Variants in RFX3 observed in about 807,000 individuals in gnomAD.
The protein encoded by RFX3 is transcription factor RFX3.
In RFX3, 14 loss-of-function variants were observed where a neutral mutation model predicts 98.6. The ratio of observed to expected loss-of-function variants is 0.14; its 90% CI spans 0.09 to 0.22. RFX3 has a LOEUF of 0.22. Among genes scored for constraint, RFX3 ranks in the 10% least tolerant of loss-of-function variants. The pLI, the probability that RFX3 is intolerant of heterozygous loss-of-function variation, is 1.00. For missense variants in RFX3, 639 were observed against 926.9 expected (o/e 0.69, Z 4.03); for synonymous variants, 383 against 328.4 (o/e 1.17, Z -1.80).
intron 3 of RFX3, among the ~76,000 whole-genome samples, chr9:3,339,556 T>A (rs1371213984): frequency 1.3e-5 from 2 of 152,188 alleles, no homozygotes; most frequent in East Asian, 1.9e-4. Flanking sequence ...AGTCAGCTCC[T>A]GTCTCACTGA....
At chr9:3,309,867 T>C (rs1056025722) in intron 4 of RFX3, among the ~76,000 whole-genome samples, 4 of 152,168 alleles carry the variant, frequency 2.6e-5, no homozygotes, top group African/African-American at 9.7e-5. Flanking sequence ...CAGGTTTAAG[T>C]GTTCACTGGA....
chr9:3,505,222 T>C (rs548429765), intron 1 of RFX3, among the ~76,000 whole-genome samples: 17 of 55,576 alleles, frequency 3.1e-4, no homozygotes, highest in African/African-American at 1.8e-3. Context: ...GAATATATAT[T>C]TATATATGAA....
intron 5 of RFX3, among the ~76,000 whole-genome samples, chr9:3,300,508 G>A (rs1482642341): frequency 6.6e-6 from 1 of 151,532 alleles, no homozygotes; most frequent in African/African-American, 2.4e-5. Flanking sequence ...AAAAAACACA[G>A]TTAAAACATT....
At chr9:3,377,710 G>C (rs1471616909) in intron 2 of RFX3, among the ~76,000 whole-genome samples, 1 of 152,160 alleles carries the variant, frequency 6.6e-6, no homozygotes, top group African/African-American at 2.4e-5. Flanking sequence ...ATTTGGATGG[G>C]AGAGGAAAGG....
chr9:3,462,291 A>T (rs1847768604), intron 1 of RFX3, among the ~76,000 whole-genome samples: 1 of 152,090 alleles, frequency 6.6e-6, no homozygotes, highest in Admixed American at 6.5e-5. Flanking sequence ...ATCAATCAGG[A>T]TATTTCACCA....
At position 3,450,443 on chromosome 9, in the gene RFX3, GTTCAATACACAA is replaced by G. The variant is rs1452349863; in HGVS notation, c.-8-54859_-8-54848del. Among the ~76,000 whole-genome samples, 59 of 151,744 alleles carry G rather than the reference GTTCAATACACAA, an allele frequency of 3.9e-4. 1 individual carries two copies. The highest frequency in any genetic ancestry group is 1.4e-3 in the African/African-American group (58 of 41,368). ...AACAAAACATTCTCCCCAATCCTCT[GTTCAATACACAA>G]ATTTGAAATGTTTAGTGATACAAAA... On this transcript the variant is annotated intron_variant, in intron 1 of 16. Transcript: ENST00000617270.
chr9:3,345,880 G>A (rs985987092), intron 3 of RFX3, among the ~76,000 whole-genome samples: 1 of 152,172 alleles, frequency 6.6e-6, no homozygotes, highest in East Asian at 1.9e-4. Context: ...AAGAGTAGAT[G>A]TAGTAAGAAT....
chr9:3,279,532 C>A (rs891166177), intron 7 of RFX3, among the ~76,000 whole-genome samples: 14 of 151,776 alleles, frequency 9.2e-5, no homozygotes, highest in Non-Finnish European at 1.8e-4. Flanking sequence ...TGCCACATTT[C>A]TTTGTCCTAC....
At chr9:3,258,280 T>C (rs1292943045) in intron 13 of RFX3, among the ~76,000 whole-genome samples, 1 of 152,174 alleles carries the variant, frequency 6.6e-6, no homozygotes, top group African/African-American at 2.4e-5. Context: ...TAATAAAACC[T>C]TGTGAATACA....
intron 2 of RFX3, 71 bp from the exon 3 acceptor site, chr9:3,346,835 C>T: frequency 4.4e-6 from 4 of 910,208 alleles, no homozygotes; most frequent in Non-Finnish European, 7.3e-6. Flanking sequence ...TTAGATCTAT[C>T]TCAAAGGTTT....
At chr9:3,406,192 G>C (rs1420566020) in intron 1 of RFX3, among the ~76,000 whole-genome samples, 1 of 151,622 alleles carries the variant, frequency 6.6e-6, no homozygotes, top group Middle Eastern at 3.2e-3. Context: ...CAAAGTCCTG[G>C]ACTCAAGTGA....
intron 2 of RFX3, among the ~76,000 whole-genome samples, chr9:3,373,080 T>G (rs879776113): frequency 6.6e-6 from 1 of 152,192 alleles, no homozygotes; most frequent in African/African-American, 2.4e-5. Context: ...TATGTTTGTA[T>G]CTCTAAGCTT....
intron 1 of RFX3, among the ~76,000 whole-genome samples, chr9:3,435,132 G>C (rs1275210772): frequency 6.6e-6 from 1 of 151,820 alleles, no homozygotes; most frequent in African/African-American, 2.4e-5. Context: ...AGTGAGTGAA[G>C]GCCTAAGACA....
intron 1 of RFX3, among the ~76,000 whole-genome samples, chr9:3,503,670 T>A (rs1215895817): frequency 6.7e-6 from 1 of 149,644 alleles, no homozygotes; most frequent in Non-Finnish European, 1.5e-5. Flanking sequence ...GTAACTTTTA[T>A]TTAAATAATC....
chr9:3,357,774 T>C (rs769525404), intron 2 of RFX3, among the ~76,000 whole-genome samples: 6 of 152,022 alleles, frequency 3.9e-5, no homozygotes, highest in Non-Finnish European at 7.4e-5. Flanking sequence ...AAGATACATG[T>C]TTGAGGTGAT....
intron 4 of RFX3, among the ~76,000 whole-genome samples, chr9:3,310,239 C>A (rs1037552544): frequency 3.9e-5 from 6 of 152,034 alleles, no homozygotes; most frequent in Non-Finnish European, 2.9e-5. Flanking sequence ...AAAAGAGGCT[C>A]CCCTGGACAT....
chr9:3,469,459 T>C (rs1209295167), intron 1 of RFX3, among the ~76,000 whole-genome samples: 1 of 152,126 alleles, frequency 6.6e-6, no homozygotes, highest in Non-Finnish European at 1.5e-5. Flanking sequence ...ATAAAGTCAA[T>C]ATATAAACTA....
At chr9:3,522,320 AATATATAC>A (rs1554732402) in intron 1 of RFX3, among the ~76,000 whole-genome samples, 1 of 152,184 alleles carries the variant, frequency 6.6e-6, no homozygotes, top group Non-Finnish European at 1.5e-5. Context: ...GGCCACTGGG[AATATATAC>A]CAAAGAGTTA....
At chr9:3,425,411 T>G (rs1445691262) in intron 1 of RFX3, among the ~76,000 whole-genome samples, 1 of 152,236 alleles carries the variant, frequency 6.6e-6, no homozygotes, top group Non-Finnish European at 1.5e-5. Context: ...TTTTATGATT[T>G]GAAAAACATT....
Sources: allele counts gnomAD v4.1 joint callset (sites outside exome capture counted in the v4.1 genomes callset), GRCh38; gene constraint gnomAD v4.1.1; transcripts MANE v1.5; gene names NCBI Gene and HGNC (gene_info 2026-07-23, HGNC 2026-07-21).